CEP85L: variants seen among roughly 807,000 people sequenced by gnomAD.
The protein encoded by CEP85L is centrosomal protein of 85 kDa-like.
CEP85L carries 60 observed loss-of-function variants against 100.3 expected under a neutral mutation model. The ratio of observed to expected loss-of-function variants is 0.60; its 90% CI spans 0.49 to 0.74. The LOEUF is 0.74. Ranked by LOEUF, CEP85L falls within the 30% of genes least tolerant of loss-of-function variation. The pLI is 0.00. For missense variants in CEP85L, 973 were observed against 936.2 expected (o/e 1.04, Z -0.51); for synonymous variants, 319 against 322.7 (o/e 0.99, Z 0.12).
chr6:118,649,832 T>G (rs1351283327), intron 1 of CEP85L, among the ~76,000 whole-genome samples: 1 of 152,258 alleles, frequency 6.6e-6, no homozygotes, highest in African/African-American at 2.4e-5. Context: ...AATCATTCAT[T>G]AACATACATT....
intron 1 of CEP85L, among the ~76,000 whole-genome samples, chr6:118,705,192 C>T (rs1229334140): frequency 2.6e-5 from 4 of 152,132 alleles, no homozygotes; most frequent in East Asian, 3.8e-4. Context: ...CTCATGGGGC[C>T]GAACAGTCTC....
At chr6:118,550,980 GCA>G (rs1320426256) in intron 3 of CEP85L, among the ~76,000 whole-genome samples, 1 of 151,630 alleles carries the variant, frequency 6.6e-6, no homozygotes, top group African/African-American at 2.4e-5. Flanking sequence ...CAAACTAACT[GCA>G]CAGACTTTAA....
At position 118,498,713 on chromosome 6, in the gene CEP85L, A is replaced by G. The variant is rs1775087015; in HGVS notation, c.1258-6848T>C. Among the ~76,000 whole-genome samples the G allele has an allele frequency of 2.0e-5, 3 of 152,114 alleles. No individual in the cohort carries two copies. The South Asian group carries it at 6.2e-4, about 32-fold the overall frequency. On this transcript the variant is annotated intron_variant, in intron 5 of 12. Transcript: ENST00000368491. Reference sequence around the variant, plus strand: ...AAGAAAAGAAATGGACAGTTTCAACAGGCAGAAAATCAGTAAGGGTGTAAT... The same window carrying G: ...AAGAAAAGAAATGGACAGTTTCAACGGGCAGAAAATCAGTAAGGGTGTAAT...
At chr6:118,555,383 G>C (rs1187861900) in intron 3 of CEP85L, among the ~76,000 whole-genome samples, 1 of 146,676 alleles carries the variant, frequency 6.8e-6, no homozygotes, top group Non-Finnish European at 1.5e-5. Flanking sequence ...AGCCGAGATC[G>C]TGCCACTGCA....
At chr6:118,485,042 CAT>C (rs753468170) in intron 6 of CEP85L, among the ~76,000 whole-genome samples, 7 of 152,302 alleles carry the variant, frequency 4.6e-5, no homozygotes, top group Admixed American at 6.5e-5. Context: ...TGTGTACACA[CAT>C]GATAATGATT....
chr6:118,604,533 T>C (rs1254298760), intron 2 of CEP85L, among the ~76,000 whole-genome samples: 1 of 152,244 alleles, frequency 6.6e-6, no homozygotes, highest in East Asian at 1.9e-4. Context: ...CTTACACACC[T>C]TGCATATAGA....
At chr6:118,532,477 G>A (rs1777351937) in intron 3 of CEP85L, among the ~76,000 whole-genome samples, 1 of 152,108 alleles carries the variant, frequency 6.6e-6, no homozygotes, top group East Asian at 1.9e-4. Flanking sequence ...ATTTAACCAT[G>A]TAACAAACCT....
chr6:118,628,665 CAAACA>C (rs1042169652), intron 2 of CEP85L, among the ~76,000 whole-genome samples: 14 of 151,360 alleles, frequency 9.2e-5, no homozygotes, highest in African/African-American at 1.9e-4. Flanking sequence ...AACAAACAAA[CAAACA>C]AAACACATTA....
chr6:118,572,814 C>T (rs1274074364), intron 2 of CEP85L, among the ~76,000 whole-genome samples: 1 of 152,136 alleles, frequency 6.6e-6, no homozygotes, highest in African/African-American at 2.4e-5. Context: ...GTAATCCCAG[C>T]AATTTGGGAG....
At position 118,633,226 on chromosome 6, in the gene CEP85L, C is replaced by T. The variant is rs111471974; in HGVS notation, c.74-615G>A. Among the ~76,000 whole-genome samples the T allele has an allele frequency of 6.1e-3, 870 of 142,414 alleles. 6 individuals are homozygous for T. Among genetic ancestry groups the T allele is most frequent in the African/African-American group, 0.022 (839 of 38,110 alleles). 93.4% of individuals were successfully genotyped at this position (142,414 alleles called of 152,430 possible). ...GATTTGTCTTTTTTTTTTTTTGAGA[C>T]GAGTCTCGCTGTCACCCAGGCTGGG... On this transcript the variant is annotated intron_variant, in intron 1 of 12. Transcript: ENST00000368491.
At chr6:118,531,179 T>C (rs1479940048) in intron 3 of CEP85L, among the ~76,000 whole-genome samples, 2 of 151,866 alleles carry the variant, frequency 1.3e-5, no homozygotes, top group Admixed American at 1.3e-4. Flanking sequence ...TGAAACAAAA[T>C]AGAGAGCTCA....
At chr6:118,620,180 C>T (rs749921146) in intron 2 of CEP85L, among the ~76,000 whole-genome samples, 2 of 152,134 alleles carry the variant, frequency 1.3e-5, no homozygotes, top group Non-Finnish European at 2.9e-5. Flanking sequence ...CCCTGGAAGG[C>T]CAACTTATTC....
chr6:118,632,613 T>A lies in CEP85L; in HGVS notation c.74-2A>T, dbSNP rs747528923. The A allele has an allele frequency of 6.2e-6, 10 of 1,604,340 alleles. No homozygotes were observed. The highest frequency in any genetic ancestry group is 5.1e-5 in the Admixed American group (3 of 58,266). On this transcript the variant is annotated splice_acceptor_variant, in intron 1 of 12. Coordinates refer to ENST00000368491, the MANE Select transcript of CEP85L (RefSeq NM_001042475.3). LOFTEE classifies it high-confidence loss of function. ...GCCATGCTGATGAATAATCTGGGCC[T>A]AAAAAGGGAAATATGTAACAGTTAA...
At chr6:118,599,787 T>A (rs1781633280) in intron 2 of CEP85L, among the ~76,000 whole-genome samples, 1 of 152,186 alleles carries the variant, frequency 6.6e-6, no homozygotes, top group Non-Finnish European at 1.5e-5. Context: ...GCCAAAAACT[T>A]ACAACCACAG....
intron 1 of CEP85L, among the ~76,000 whole-genome samples, chr6:118,677,831 T>A (rs1316938890): frequency 6.6e-6 from 1 of 152,186 alleles, no homozygotes. Context: ...ATATTGCCCA[T>A]AAATACATCT....
intron 2 of CEP85L, among the ~76,000 whole-genome samples, chr6:118,605,459 A>G (rs1772129226): frequency 6.6e-6 from 1 of 152,084 alleles, no homozygotes; most frequent in Non-Finnish European, 1.5e-5. Flanking sequence ...TATATTTCCT[A>G]CCTAGTTATT....
chr6:118,594,763 G>A (rs1252052447), intron 2 of CEP85L, among the ~76,000 whole-genome samples: 12 of 151,160 alleles, frequency 7.9e-5, no homozygotes, highest in Admixed American at 4.0e-4. Flanking sequence ...GGCTGAGGCA[G>A]GAGAATGGCG....
At chr6:118,648,237 G>A (rs935347836) in intron 1 of CEP85L, among the ~76,000 whole-genome samples, 1 of 152,158 alleles carries the variant, frequency 6.6e-6, no homozygotes, top group Admixed American at 6.5e-5. Context: ...CTGGGCAACA[G>A]AGGGAAACTC....
At chr6:118,704,397 T>C (rs1777525237) in intron 1 of CEP85L, among the ~76,000 whole-genome samples, 1 of 152,200 alleles carries the variant, frequency 6.6e-6, no homozygotes, top group Non-Finnish European at 1.5e-5. Flanking sequence ...CTGGGGTTTG[T>C]TCTGGGCCCC....
Sources: allele counts gnomAD v4.1 joint callset (sites outside exome capture counted in the v4.1 genomes callset), GRCh38; gene constraint gnomAD v4.1.1; transcripts MANE v1.5; gene names NCBI Gene and HGNC (gene_info 2026-07-23, HGNC 2026-07-21).